The following XYLT1 variants were observed in gnomAD, a reference collection of about 807,000 sequenced individuals.
XYLT1 encodes the protein beta-D-xylosyltransferase 1.
XYLT1 carries 36 observed loss-of-function variants against 91.3 expected under a neutral mutation model. That is an observed-to-expected ratio of 0.39 (90% CI 0.30 to 0.52). XYLT1 has a LOEUF of 0.52. Among genes scored for constraint, XYLT1 ranks in the 20% least tolerant of loss-of-function variants. XYLT1 has a pLI of 0.68. For synonymous variants in XYLT1, 588 were observed against 532.0 expected, an observed-to-expected ratio of 1.11 and a Z score of -1.45; for missense variants, 1,242 against 1,284.5, an observed-to-expected ratio of 0.97 and a Z score of 0.51.
At position 17,200,217 on chromosome 16, in the gene XYLT1, C is replaced by CAA. The variant is rs57616682; in HGVS notation, c.1086+263_1086+264dup. On this transcript the variant is annotated intron_variant, in intron 4 of 11. Coordinates refer to ENST00000261381, the MANE Select transcript of XYLT1 (RefSeq NM_022166.4). ...GCCTGGTGACTGAGCGACATTCCAT[C>CAA]AAAAAAAAAAGAAAAAAAACCCCCC... 6.6e-3 allele frequency among the ~76,000 whole-genome samples: 961 copies of CAA among 146,640 alleles called. 8 individuals are homozygous for CAA. Among genetic ancestry groups the CAA allele is most frequent in the Middle Eastern group, 0.014 (4 of 286 alleles).
At chr16:17,299,536 C>G (rs2034362961) in intron 2 of XYLT1, among the ~76,000 whole-genome samples, 1 of 152,220 alleles carries the variant, frequency 6.6e-6, no homozygotes. Flanking sequence ...CGCTGCTGCA[C>G]AGGGGCTAAA....
chr16:17,117,574 T>C, intron 11 of XYLT1, 72 bp downstream of exon 11: 1 of 1,516,204 alleles, frequency 6.6e-7, no homozygotes. Flanking sequence ...CAGTGCTGCC[T>C]ACCAACACCA....
intron 8 of XYLT1, among the ~76,000 whole-genome samples, chr16:17,135,004 TAAAC>T (rs2030657532): frequency 6.6e-6 from 1 of 152,084 alleles, no homozygotes; most frequent in Non-Finnish European, 1.5e-5. Context: ...GTCTGTTAAA[TAAAC>T]TAAATAATTT....
At chr16:17,407,335 A>G (rs554029575) in intron 1 of XYLT1, among the ~76,000 whole-genome samples, 3 of 152,120 alleles carry the variant, frequency 2.0e-5, no homozygotes, top group African/African-American at 4.8e-5. Flanking sequence ...ATATATGTGT[A>G]TATATATAAG....
chr16:17,174,841 G>A (rs574645373), intron 5 of XYLT1, among the ~76,000 whole-genome samples: 97 of 152,208 alleles, frequency 6.4e-4, no homozygotes, highest in African/African-American at 7.5e-4. Context: ...TGCGATCTCC[G>A]CTCACTGCAA....
intron 3 of XYLT1, among the ~76,000 whole-genome samples, chr16:17,208,120 G>T (rs971137817): frequency 6.6e-6 from 1 of 151,976 alleles, no homozygotes; most frequent in African/African-American, 2.4e-5. Flanking sequence ...CCAAGTAGCT[G>T]GGACTATAGG....
chr16:17,186,942 C>A (rs112635027), intron 5 of XYLT1, among the ~76,000 whole-genome samples: 1 of 151,998 alleles, frequency 6.6e-6, no homozygotes, highest in African/African-American at 2.4e-5. Context: ...AGGGTTAGAA[C>A]GAGAATACGC....
intron 2 of XYLT1, among the ~76,000 whole-genome samples, chr16:17,317,263 G>A (rs1727021855): frequency 6.6e-6 from 1 of 152,074 alleles, no homozygotes; most frequent in Non-Finnish European, 1.5e-5. Context: ...AGAGAGGTGA[G>A]GCAACCTTTG....
intron 1 of XYLT1, among the ~76,000 whole-genome samples, chr16:17,417,546 C>T (rs757133496): frequency 6.6e-5 from 10 of 152,126 alleles, no homozygotes; most frequent in Non-Finnish European, 1.0e-4. Context: ...ACTACTCTAA[C>T]AAAAGCTCTC....
chr16:17,191,999 C>G (rs1336098849), intron 5 of XYLT1, among the ~76,000 whole-genome samples: 3 of 151,842 alleles, frequency 2.0e-5, no homozygotes, highest in African/African-American at 7.3e-5. Context: ...GGGCCAAGGA[C>G]ACACTCAACC....
At chr16:17,432,832 C>T (rs2036407954) in intron 1 of XYLT1, among the ~76,000 whole-genome samples, 3 of 152,086 alleles carry the variant, frequency 2.0e-5, no homozygotes, top group Admixed American at 2.0e-4. Flanking sequence ...AGTCTTCCGA[C>T]CCAAGCAGAT....
intron 6 of XYLT1, among the ~76,000 whole-genome samples, 199 bp from the exon 7 acceptor site, chr16:17,141,568 A>G (rs1265118175): frequency 1.3e-5 from 2 of 152,110 alleles, no homozygotes; most frequent in Non-Finnish European, 2.9e-5. Flanking sequence ...ATTTACCCCT[A>G]TGACGCAGGT....
chr16:17,239,342 C>T (rs2033302639), intron 3 of XYLT1, among the ~76,000 whole-genome samples: 1 of 150,328 alleles, frequency 6.7e-6, no homozygotes, highest in Non-Finnish European at 1.5e-5. Context: ...ATCATCCATC[C>T]ATCCACTCAC....
At chr16:17,165,259 T>C (rs1404601201) in intron 5 of XYLT1, among the ~76,000 whole-genome samples, 1 of 152,254 alleles carries the variant, frequency 6.6e-6, no homozygotes, top group Non-Finnish European at 1.5e-5. Context: ...ATTATATTTA[T>C]ATCCATTTGT....
At chr16:17,194,898 G>A (rs983401766) in intron 5 of XYLT1, among the ~76,000 whole-genome samples, 13 of 152,140 alleles carry the variant, frequency 8.5e-5, no homozygotes, top group African/African-American at 1.9e-4. Context: ...TTCCAAACTC[G>A]GTCCCTTCAT....
At chr16:17,467,542 T>C (rs2036914730) in intron 1 of XYLT1, among the ~76,000 whole-genome samples, 1 of 152,188 alleles carries the variant, frequency 6.6e-6, no homozygotes, top group Non-Finnish European at 1.5e-5. Context: ...TAAAAGAGGC[T>C]GAGAGGAAAA....
chr16:17,405,144 C>A (rs1252836446), intron 1 of XYLT1, among the ~76,000 whole-genome samples: 2 of 152,200 alleles, frequency 1.3e-5, no homozygotes, highest in Admixed American at 6.5e-5. Context: ...CATTTGATAC[C>A]ACAAAGGGAG....
At chr16:17,177,030 A>G (rs1485723487) in intron 5 of XYLT1, among the ~76,000 whole-genome samples, 1 of 151,898 alleles carries the variant, frequency 6.6e-6, no homozygotes, top group South Asian at 2.1e-4. Context: ...GCCTCATTCT[A>G]TTGGCTTATC....
At position 17,108,982 on chromosome 16, in the gene XYLT1, T is replaced by C; in HGVS notation, c.2593A>G (p.Asn865Asp). ...TGGAAGCTCTGCTCCATGTAGGCAT[T>C]GCGGAGGGGCCCATTGTGCAGCTTC... is the stretch of plus-strand genomic sequence containing the variant. ...ALKLHNGPLR[N>D]AYMEQSFQSL... The change falls in exon 12 of 12, where the codon AAT becomes GAT. Residue 865 changes from asparagine (N) to aspartate (D), a missense_variant. Coordinates refer to ENST00000261381, the MANE Select transcript of XYLT1 (RefSeq NM_022166.4). The C allele has an allele frequency of 6.4e-7, 1 of 1,552,914 alleles. No individual in the cohort carries two copies. The highest frequency in any genetic ancestry group is 2.3e-5 in the East Asian group (1 of 43,752).
Sources: gnomAD v4.1 joint callset for allele counts (sites outside exome capture counted in the v4.1 genomes callset) on GRCh38, gnomAD v4.1.1 for gene constraint, MANE v1.5 for transcripts, NCBI Gene and HGNC (gene_info 2026-07-23, HGNC 2026-07-21) for gene names.